Variants in KCTD18 observed in about 807,000 individuals in gnomAD.
The protein encoded by KCTD18 is potassium channel tetramerization domain containing 18.
In KCTD18, 22 loss-of-function variants were observed where a neutral mutation model predicts 30.4. The observed-to-expected ratio is 0.72, with a 90% CI of 0.52 to 1.03. The LOEUF is 1.03. KCTD18 is among the 50% of genes least tolerant of loss of function. The pLI is 0.00. For synonymous variants in KCTD18, 186 were observed against 209.0 expected (o/e 0.89, Z 0.95); for missense variants, 529 against 547.6 (o/e 0.97, Z 0.34).
Position 200,490,065 on chromosome 2 carries a change from G to C in KCTD18, c.*35C>G, listed in dbSNP as rs1380975698. The C allele has an allele frequency of 6.5e-7, 1 of 1,530,082 alleles. No homozygotes were observed. The allele number at this position is 1,530,082 out of a possible 1,614,324, so 94.8% of individuals were successfully genotyped here. On this transcript the variant is annotated 3_prime_UTR_variant, in exon 7 of 7. Coordinates refer to ENST00000359878, the MANE Select transcript of KCTD18 (RefSeq NM_152387.4). ...GCGTCGAATGGGTTGAAAGCTTTGG[G>C]AGATGAACGGGAAATTTCAAGTCCA...
Position 200,506,906 on chromosome 2 carries a change from C to T in KCTD18, c.111G>A (p.Met37Ile), listed in dbSNP as rs1559187254. ...AGCGACCACTGAACATAGATGCCAA[C>T]ATGGAGTCCTTGAAGCGGCACAAGG... ...RESLCRFKDS[M>I]LASMFSGRFP... Residue 37 changes from methionine (M) to isoleucine (I), a missense_variant, in exon 2 of 7, where the codon ATG becomes ATA. Met to Ile is a conservative substitution (Grantham distance 10). Coordinates refer to ENST00000359878, the MANE Select transcript of KCTD18 (RefSeq NM_152387.4). The T allele has an allele frequency of 1.1e-5, 17 of 1,613,886 alleles. No individual in the cohort carries two copies. The highest frequency in any genetic ancestry group is 1.4e-5 in the Non-Finnish European group (16 of 1,180,002).
At chr2:200,501,117 C>T (rs1039942996) in intron 3 of KCTD18, among the ~76,000 whole-genome samples, 1 of 152,078 alleles carries the variant, frequency 6.6e-6, no homozygotes, top group Admixed American at 6.5e-5. Context: ...TTCCTTACAC[C>T]GTATACAAAA....
In KCTD18 at chr2:200,490,268, A is replaced by G; in HGVS notation, c.1113T>C (p.Pro371=). The change falls in exon 7 of 7, where the codon CCT becomes CCC. Residue 371 remains proline (P), a synonymous_variant. Coordinates refer to ENST00000359878, the MANE Select transcript of KCTD18 (RefSeq NM_152387.4). ...PAKVLLSDKK[P]TPQRVIKLKR... is the part of the protein sequence containing the mutation. ...TCAGCTTTATCACCCGCTGGGGTGT[A>G]GGCTTCTTGTCGGAGAGTAGCACCT... is the stretch of plus-strand genomic sequence containing the variant. 1 of 1,614,246 alleles carries G rather than the reference A, an allele frequency of 6.2e-7. No homozygotes were observed. The highest frequency in any genetic ancestry group is 8.5e-7 in the Non-Finnish European group (1 of 1,180,040).
intron 5 of KCTD18, among the ~76,000 whole-genome samples, chr2:200,494,133 T>TGTGATAGCTC (rs1332943489): frequency 2.6e-5 from 4 of 152,236 alleles, no homozygotes; most frequent in Admixed American, 2.0e-4. Flanking sequence ...ATTTGTATTG[T>TGTGATAGCTC]TCCATTTGTA....
intron 5 of KCTD18, chr2:200,497,500 T>C (rs1253643614): frequency 1.1e-5 from 4 of 374,200 alleles, no homozygotes; most frequent in Non-Finnish European, 1.9e-5. Context: ...TGAACTCTTA[T>C]TTAATTAAAT....
At chr2:200,508,732 C>A (rs192574105) in intron 1 of KCTD18, among the ~76,000 whole-genome samples, 136 of 152,312 alleles carry the variant, frequency 8.9e-4, no homozygotes, top group Non-Finnish European at 1.6e-3. Context: ...AAAGGTCCAG[C>A]CTTCCAAAAC....
chr2:200,493,244 A>G lies in KCTD18; in HGVS notation c.692T>C (p.Leu231Pro), dbSNP rs768832472. 6.2e-7 allele frequency: 1 copy of G among 1,612,228 alleles called. No homozygotes were observed. The highest frequency in any genetic ancestry group is 8.5e-7 in the Non-Finnish European group (1 of 1,178,712). Reference sequence around the variant, plus strand: ...TTCTTCTAGAGTCCAACACTCTATCAGCTCATGAGGCACCCGCCAGTAGCT... The same window carrying G: ...TTCTTCTAGAGTCCAACACTCTATCGGCTCATGAGGCACCCGCCAGTAGCT... ...GVSYWRVPHELIECWTLEERP... is the reference protein window; with the variant it reads ...GVSYWRVPHEPIECWTLEERP... Residue 231 changes from leucine (L) to proline (P), a missense_variant, in exon 6 of 7, where the codon CTG becomes CCG. By Grantham distance (98) the Leu-to-Pro change is moderately conservative. Coordinates refer to ENST00000359878, the MANE Select transcript of KCTD18 (RefSeq NM_152387.4).
chr2:200,508,715 A>G (rs747873743), intron 1 of KCTD18, among the ~76,000 whole-genome samples: 7 of 152,218 alleles, frequency 4.6e-5, no homozygotes, highest in African/African-American at 7.2e-5. Context: ...AGAAACCATT[A>G]TGGGCCAAAG....
At chr2:200,493,798 G>T (rs1163178078) in intron 5 of KCTD18, among the ~76,000 whole-genome samples, 3 of 152,128 alleles carry the variant, frequency 2.0e-5, no homozygotes, top group Non-Finnish European at 4.4e-5. Flanking sequence ...ATTCCCAGTA[G>T]TCGTAGGGAG....
At position 200,502,218 on chromosome 2, in the gene KCTD18, C is replaced by T. The variant is rs529343883; in HGVS notation, c.372+2530G>A. Among the ~76,000 whole-genome samples the T allele has an allele frequency of 1.8e-4, 28 of 151,780 alleles. No individual in the cohort carries two copies. In the South Asian group the frequency reaches 5.4e-3, roughly 29 times the overall value. ...TGAGTTAGTGGGTGCAGCGCACTAG[C>T]ATGGTACATGTATACATATGTAACT... is the stretch of plus-strand genomic sequence containing the variant. On this transcript the variant is annotated intron_variant, in intron 3 of 6. Coordinates refer to ENST00000359878, the MANE Select transcript of KCTD18 (RefSeq NM_152387.4).
chr2:200,498,407 C>T (rs916672694), intron 4 of KCTD18, among the ~76,000 whole-genome samples: 3 of 152,140 alleles, frequency 2.0e-5, no homozygotes, highest in African/African-American at 4.8e-5. Flanking sequence ...TAAGTAATAA[C>T]TCTTAAGAAT....
intron 5 of KCTD18, among the ~76,000 whole-genome samples, chr2:200,493,624 G>C (rs1445266989): frequency 6.6e-6 from 1 of 152,176 alleles, no homozygotes; most frequent in East Asian, 1.9e-4. Context: ...TGTCACCTTG[G>C]GAAAGTTACT....
chr2:200,489,880 G>A lies in KCTD18; in HGVS notation c.*220C>T, dbSNP rs1365389940. The A allele has an allele frequency of 5.8e-6, 3 of 518,522 alleles. No individual in the cohort carries two copies. In the East Asian group the frequency reaches 9.1e-5, roughly 16 times the overall value. 32.1% of individuals were successfully genotyped at this position (518,522 alleles called of 1,614,324 possible). On this transcript the variant is annotated 3_prime_UTR_variant, in exon 7 of 7. Coordinates refer to ENST00000359878, the MANE Select transcript of KCTD18 (RefSeq NM_152387.4). ...AAATTGAAAACCAGAAATTCAAACTGCCCATAGACAATCATATAAAAGTTG... is the reference window on the plus strand; with the variant it reads ...AAATTGAAAACCAGAAATTCAAACTACCCATAGACAATCATATAAAAGTTG...
At chr2:200,504,687 G>C (rs2030064214) in intron 3 of KCTD18, 61 bp downstream of exon 3, 2 of 1,175,794 alleles carry the variant, frequency 1.7e-6, no homozygotes, top group Non-Finnish European at 2.5e-6. Flanking sequence ...ATGCAAAATA[G>C]TACATATTGC....
chr2:200,507,288 A>AT (rs1559187593), intron 1 of KCTD18, among the ~76,000 whole-genome samples, 197 bp from the exon 2 acceptor site: 1 of 152,270 alleles, frequency 6.6e-6, no homozygotes, highest in Non-Finnish European at 1.5e-5. Context: ...TTTGTAAAAG[A>AT]TAATAAACGA....
chr2:200,497,857 T>G lies in KCTD18; in HGVS notation c.567-10A>C. The G allele has an allele frequency of 6.4e-7, 1 of 1,566,536 alleles. No homozygotes were observed. Among genetic ancestry groups the G allele is most frequent in the African/African-American group, 1.3e-5 (1 of 74,120 alleles). On this transcript the variant is annotated splice_polypyrimidine_tract_variant and intron_variant, in intron 4 of 6. Transcript: ENST00000359878. ...ATTATTTCCCGCCTCTCTAGAAATA[T>G]TGCAAAGAGTAATGAAAATATACTA...
intron 3 of KCTD18, 38 bp from the exon 4 acceptor site, chr2:200,499,122 C>A: frequency 6.9e-7 from 1 of 1,444,144 alleles, no homozygotes; most frequent in South Asian, 1.3e-5. Flanking sequence ...GAATTTAATT[C>A]TAGAGTAAAA....
chr2:200,494,296 C>A (rs1161726991), intron 5 of KCTD18, among the ~76,000 whole-genome samples: 1 of 152,184 alleles, frequency 6.6e-6, no homozygotes, highest in Non-Finnish European at 1.5e-5. Flanking sequence ...GATTGCACAA[C>A]ATTGTGAATG....
At chr2:200,499,831 G>T (rs1291608651) in intron 3 of KCTD18, among the ~76,000 whole-genome samples, 2 of 149,126 alleles carry the variant, frequency 1.3e-5, no homozygotes, top group African/African-American at 4.9e-5. Flanking sequence ...AACCAAAAAA[G>T]AGAATTTTAG....
Sources: gnomAD v4.1 joint callset for allele counts (sites outside exome capture counted in the v4.1 genomes callset) on GRCh38, gnomAD v4.1.1 for gene constraint, MANE v1.5 for transcripts, NCBI Gene and HGNC (gene_info 2026-07-23, HGNC 2026-07-21) for gene names.